Variants in FCHO2 observed in about 807,000 individuals in gnomAD.
The protein encoded by FCHO2 is FCH and mu domain containing endocytic adaptor 2, also known as F-BAR domain only protein 2.
FCHO2 carries 43 observed loss-of-function variants against 114.1 expected under a neutral mutation model. The ratio of observed to expected loss-of-function variants is 0.38; its 90% CI spans 0.30 to 0.49. The LOEUF (loss-of-function observed/expected upper bound fraction) is 0.49. Ranked by LOEUF, FCHO2 falls within the 20% of genes least tolerant of loss-of-function variation. FCHO2 has a pLI of 0.97. For missense variants in FCHO2, 807 were observed against 950.4 expected, an observed-to-expected ratio of 0.85 and a Z score of 1.98; for synonymous variants, 293 against 315.2, an observed-to-expected ratio of 0.93 and a Z score of 0.75.
intron 2 of FCHO2, among the ~76,000 whole-genome samples, chr5:72,984,887 C>A (rs913440022): frequency 6.6e-6 from 1 of 152,112 alleles, no homozygotes; most frequent in Non-Finnish European, 1.5e-5. Context: ...CCTTCTGCCT[C>A]GGCCTCCCAA....
rs1752757032 is a variant in FCHO2 at position 72,974,639 on chromosome 5, G to A, written c.125+6050G>A. ...GTTTCCTGAATACAGCACACTGATG[G>A]GTCTTGACTCTTTATCGAGTTTGCC... is the stretch of plus-strand genomic sequence containing the variant. On this transcript the variant is annotated intron_variant, in intron 2 of 25. Coordinates refer to ENST00000430046, the MANE Select transcript of FCHO2 (RefSeq NM_138782.3). Among the ~76,000 whole-genome samples, 4 of 151,980 alleles carry A rather than the reference G, an allele frequency of 2.6e-5. No individual in the cohort carries two copies. In the South Asian group the frequency reaches 8.3e-4, roughly 32 times the overall value.
Position 73,034,694 on chromosome 5 carries a change from A to C in FCHO2, c.834A>C (p.Ala278=). 1 of 1,593,710 alleles carries C rather than the reference A, an allele frequency of 6.3e-7. No homozygotes were observed. The highest frequency in any genetic ancestry group is 8.5e-7 in the Non-Finnish European group (1 of 1,172,730). ...IEFEECDTAS[A]VEGIKPRKRK... ...TTGAAGAATGTGACACTGCTAGTGC[A>C]GTTGAAGGTAAGTTGATTAGTTATA... The change falls in exon 9 of 26, where the codon GCA becomes GCC. Residue 278 remains alanine, a synonymous_variant. Coordinates refer to ENST00000430046, the MANE Select transcript of FCHO2 (RefSeq NM_138782.3).
chr5:73,047,589 G>T (rs1757117142), intron 11 of FCHO2, among the ~76,000 whole-genome samples: 1 of 146,976 alleles, frequency 6.8e-6, no homozygotes, highest in Admixed American at 6.8e-5. Context: ...CAGCTACATA[G>T]TATAATCGTT....
intron 1 of FCHO2, among the ~76,000 whole-genome samples, chr5:72,956,897 T>TG (rs1561394525): frequency 7.4e-6 from 1 of 135,652 alleles, no homozygotes; most frequent in Non-Finnish European, 1.5e-5. Flanking sequence ...GCAGTTATTG[T>TG]TTTTTTTTTT....
At chr5:73,038,244 A>G (rs976924650) in intron 10 of FCHO2, 7 of 152,212 alleles carry the variant, frequency 4.6e-5, no homozygotes, top group Non-Finnish European at 8.8e-5. Context: ...ACCTCAGATC[A>G]ATTAAATCAG....
intron 10 of FCHO2, among the ~76,000 whole-genome samples, chr5:73,040,378 AT>A (rs1285989687): frequency 6.6e-6 from 1 of 152,132 alleles, no homozygotes; most frequent in Non-Finnish European, 1.5e-5. Flanking sequence ...TGGATTTCAG[AT>A]TTTTGGATTA....
At chr5:72,983,491 A>G (rs1055630606) in intron 2 of FCHO2, among the ~76,000 whole-genome samples, 1 of 151,174 alleles carries the variant, frequency 6.6e-6, no homozygotes, top group Non-Finnish European at 1.5e-5. Flanking sequence ...AGCCTACTGA[A>G]TAGTTGGGAC....
Position 73,088,388 on chromosome 5 carries a change from G to GA in FCHO2, c.*305dup. 1 of 368,374 alleles carries GA rather than the reference G, an allele frequency of 2.7e-6. No individual in the cohort carries two copies. The highest frequency in any genetic ancestry group is 5.0e-6 in the Non-Finnish European group (1 of 200,252). The allele number at this position is 368,374 out of a possible 1,614,324, so 22.8% of individuals were successfully genotyped here. A position where few individuals can be genotyped will look rare whatever the true frequency, so the allele number is the denominator to read the frequency against. ...TTAAATTATTTCCAGTGTCTATGTT[G>GA]AAAAAAAGGGTTATAGTGTAATATC... On this transcript the variant is annotated 3_prime_UTR_variant, in exon 26 of 26. Coordinates refer to ENST00000430046, the MANE Select transcript of FCHO2 (RefSeq NM_138782.3).
intron 6 of FCHO2, among the ~76,000 whole-genome samples, chr5:73,009,830 G>A (rs186840208): frequency 1.3e-5 from 2 of 152,252 alleles, no homozygotes; most frequent in East Asian, 3.9e-4. Flanking sequence ...CACCGTGCCA[G>A]CCCATTCTGC....
At chr5:73,007,292 C>G (rs961785275) in intron 6 of FCHO2, among the ~76,000 whole-genome samples, 6 of 152,304 alleles carry the variant, frequency 3.9e-5, no homozygotes, top group African/African-American at 1.4e-4. Flanking sequence ...ATCGTCTTCA[C>G]TGTAGTCCTG....
intron 1 of FCHO2, among the ~76,000 whole-genome samples, chr5:72,962,817 C>T (rs1488961436): frequency 2.0e-5 from 3 of 151,758 alleles, no homozygotes; most frequent in Non-Finnish European, 4.4e-5. Flanking sequence ...TGCTTGAACC[C>T]GGGTGGCAGA....
chr5:73,042,635 GA>G (rs1434360004), intron 11 of FCHO2, among the ~76,000 whole-genome samples: 1 of 151,894 alleles, frequency 6.6e-6, no homozygotes, highest in Non-Finnish European at 1.5e-5. Context: ...TATAAAACTA[GA>G]AAAAATACGT....
chr5:73,024,672 C>T (rs1231383788), intron 8 of FCHO2, among the ~76,000 whole-genome samples: 3 of 150,934 alleles, frequency 2.0e-5, no homozygotes, highest in Non-Finnish European at 4.4e-5. Context: ...ATCCTGACCT[C>T]ATGATCCGCC....
At chr5:72,971,060 A>G (rs1310871437) in intron 2 of FCHO2, among the ~76,000 whole-genome samples, 1 of 152,086 alleles carries the variant, frequency 6.6e-6, no homozygotes, top group Middle Eastern at 3.2e-3. Context: ...ATAGTATTCC[A>G]TGGTGTATAT....
At chr5:73,023,677 G>A (rs2112765833) in intron 8 of FCHO2, among the ~76,000 whole-genome samples, 1 of 151,078 alleles carries the variant, frequency 6.6e-6, no homozygotes, top group East Asian at 1.9e-4. Flanking sequence ...TCCAGCCTAG[G>A]CAACAAGAGC....
chr5:73,030,045 G>GTTTT (rs113431803), intron 8 of FCHO2, among the ~76,000 whole-genome samples: 4 of 135,260 alleles, frequency 3.0e-5, no homozygotes, highest in East Asian at 2.1e-4. Context: ...CTTTCTTTTT[G>GTTTT]TTTTTTTTTT....
chr5:73,067,220 A>G (rs1453520507), intron 18 of FCHO2, among the ~76,000 whole-genome samples: 1 of 151,842 alleles, frequency 6.6e-6, no homozygotes, highest in Non-Finnish European at 1.5e-5. Context: ...GCCTTTTCCT[A>G]AAAAAAATTA....
chr5:73,033,125 G>T (rs1756320700), intron 8 of FCHO2, among the ~76,000 whole-genome samples: 1 of 152,054 alleles, frequency 6.6e-6, no homozygotes, highest in Admixed American at 6.5e-5. Context: ...TTCCAGATTT[G>T]CAGAATGGGT....
intron 6 of FCHO2, among the ~76,000 whole-genome samples, chr5:73,013,164 A>G (rs1423033545): frequency 2.0e-5 from 3 of 152,216 alleles, no homozygotes; most frequent in African/African-American, 4.8e-5. Flanking sequence ...ATCAATGACA[A>G]GTATTCCACT....
Sources: allele counts gnomAD v4.1 joint callset (sites outside exome capture counted in the v4.1 genomes callset), GRCh38; gene constraint gnomAD v4.1.1; transcripts MANE v1.5; gene names NCBI Gene and HGNC (gene_info 2026-07-23, HGNC 2026-07-21).